CCDC40: variants seen among roughly 807,000 people sequenced by gnomAD.
CCDC40 encodes coiled-coil domain-containing protein 40.
Under a neutral mutation model 124.5 loss-of-function variants are expected in CCDC40, and 104 were observed. The ratio of observed to expected loss-of-function variants is 0.84; its 90% CI spans 0.71 to 0.98. CCDC40 has a LOEUF of 0.98. CCDC40 is among the 50% of genes least tolerant of loss of function. CCDC40 has a pLI of 0.00. For synonymous variants in CCDC40, 580 were observed against 602.9 expected (o/e 0.96, Z 0.56); for missense variants, 1,463 against 1,503.9 (o/e 0.97, Z 0.45).
At chr17:80,088,630 G>T (rs534150635) in intron 16 of CCDC40, among the ~76,000 whole-genome samples, 1 of 152,342 alleles carries the variant, frequency 6.6e-6, no homozygotes, top group Non-Finnish European at 1.5e-5. Flanking sequence ...AACACAGTGA[G>T]ACCCCATATC....
At chr17:80,067,829 A>T (rs1269210083) in intron 10 of CCDC40, 151 of 1,427,074 alleles carry the variant, frequency 1.1e-4, no homozygotes, top group Non-Finnish European at 1.3e-4. Context: ...GCATGTTGTC[A>T]CACTTCAGGA....
At position 80,087,984 on chromosome 17, in the gene CCDC40, A is replaced by G; in HGVS notation, c.2620-27A>G. On this transcript the variant is annotated intron_variant, in intron 15 of 19. Coordinates refer to ENST00000397545, the MANE Select transcript of CCDC40 (RefSeq NM_017950.4). The surrounding 1 kb of genome is among the most constrained non-coding windows in gnomAD (Gnocchi z 4.5). ...TCCACAATCCCATGGCCCTCCCCACAGCTGTCCCGCCCCCTCCCCCATGCA... is the reference window on the plus strand; with the variant it reads ...TCCACAATCCCATGGCCCTCCCCACGGCTGTCCCGCCCCCTCCCCCATGCA... The G allele has an allele frequency of 6.6e-7, 1 of 1,508,570 alleles. No individual in the cohort carries two copies. Among genetic ancestry groups the G allele is most frequent in the Non-Finnish European group, 9.2e-7 (1 of 1,084,192 alleles). 93.4% of individuals were successfully genotyped at this position (1,508,570 alleles called of 1,614,324 possible).
chr17:80,089,486 C>T, intron 16 of CCDC40: 1 of 445,382 alleles, frequency 2.2e-6, no homozygotes, highest in Non-Finnish European at 4.2e-6. Context: ...ACTTTCTCAG[C>T]TCCTACAGTT....
chr17:80,086,456 G>A lies in CCDC40; in HGVS notation c.2449+240G>A, dbSNP rs188924820. On this transcript the variant is annotated intron_variant, in intron 14 of 19. Coordinates refer to ENST00000397545, the MANE Select transcript of CCDC40 (RefSeq NM_017950.4). The surrounding 1 kb of genome is among the most constrained non-coding windows in gnomAD (Gnocchi z 5.5). Reference sequence around the variant, plus strand: ...TGTCACGAAATGGCTCCAAGCTCACGGACTTCAGAGCTCTCCTTGAGAGAG... The same window carrying A: ...TGTCACGAAATGGCTCCAAGCTCACAGACTTCAGAGCTCTCCTTGAGAGAG... 6.7e-5 allele frequency: 34 copies of A among 505,078 alleles called. No individual in the cohort carries two copies. Among genetic ancestry groups the A allele is most frequent in the African/African-American group, 6.0e-4 (31 of 51,776 alleles). 31.3% of individuals were successfully genotyped at this position (505,078 alleles called of 1,614,324 possible). A position where few individuals can be genotyped will look rare whatever the true frequency, so the allele number is the denominator to read the frequency against.
rs1048415457 is a variant in CCDC40, at chr17:80,087,447, G to T, written c.2450-160G>T. On this transcript the variant is annotated intron_variant, in intron 14 of 19. Coordinates refer to ENST00000397545, the MANE Select transcript of CCDC40 (RefSeq NM_017950.4). The surrounding 1 kb of genome is among the most constrained non-coding windows in gnomAD (Gnocchi z 4.5). ...CTCTCCTCTCCTCTGTCCTGGCAGG[G>T]ACGAGATTCAGGCAGGAGCGCCAGG... 8.6e-6 allele frequency: 6 copies of T among 695,842 alleles called. No individual in the cohort carries two copies. The highest frequency in any genetic ancestry group is 3.0e-5 in the South Asian group (2 of 65,894). The allele number at this position is 695,842 out of a possible 1,614,324, so 43.1% of individuals were successfully genotyped here.
Position 80,090,228 on chromosome 17 carries a change from C to T in CCDC40, c.2832+344C>T, listed in dbSNP as rs772386464. 61 of 873,764 alleles carry T rather than the reference C, an allele frequency of 7.0e-5. 8 individuals carry two copies. The highest frequency in any genetic ancestry group is 6.7e-4 in the South Asian group (31 of 46,168). 54.1% of individuals were successfully genotyped at this position (873,764 alleles called of 1,614,324 possible). ...GCACGTGCACGAAGAACACGGGACG[C>T]GCGCAGGCACGTGCACGAACAACAC... On this transcript the variant is annotated intron_variant, in intron 17 of 19. Coordinates refer to ENST00000397545, the MANE Select transcript of CCDC40 (RefSeq NM_017950.4).
In CCDC40 at chr17:80,047,296, G is replaced by A; in HGVS notation, c.570G>A (p.Glu190=). The part of the protein sequence containing the change: ...AVGRLTGSTE[E]PQGQVLPMGV... ...TGCCATAGACAGGATCCACAGAGGA[G>A]CCCCAGGGGCAGGTGCTCCCAATGG... is the stretch of plus-strand genomic sequence containing the variant. Residue 190 remains glutamate (E), a synonymous_variant, in exon 4 of 20, where the codon GAG becomes GAA. Transcript: ENST00000397545. 6.2e-7 allele frequency: 1 copy of A among 1,614,010 alleles called. No individual in the cohort carries two copies.
Position 80,058,485 on chromosome 17 carries a change from G to C in CCDC40, c.1160-9G>C. 6.2e-7 allele frequency: 1 copy of C among 1,613,408 alleles called. No individual in the cohort carries two copies. Among genetic ancestry groups the C allele is most frequent in the African/African-American group, 1.3e-5 (1 of 74,988 alleles). ...TCTCTCTCTCTTTCTCCCCCGCCGC[G>C]CCCCGCAGTGGCGGCTCTGCAGACT... is the stretch of plus-strand genomic sequence containing the variant. On this transcript the variant is annotated splice_polypyrimidine_tract_variant and intron_variant, in intron 7 of 19. Transcript: ENST00000397545. The surrounding 1 kb of genome is among the most constrained non-coding windows in gnomAD (Gnocchi z 4.2).
chr17:80,065,572 G>C lies in CCDC40; in HGVS notation c.1528G>C (p.Asp510His). 1 of 1,612,892 alleles carries C rather than the reference G, an allele frequency of 6.2e-7. No homozygotes were observed. The highest frequency in any genetic ancestry group is 2.2e-5 in the East Asian group (1 of 44,794). The change falls in exon 10 of 20, where the codon GAC becomes CAC. Residue 510 changes from aspartate to histidine, a missense_variant. Transcript: ENST00000397545. ...ASSLVGMKHR[D>H]EAHRAVLEAL... ...CAGCCTGGTGGGCATGAAGCACCGC[G>C]ACGAGGCGCACAGGGCGGTGCTGGA...
chr17:80,086,510 G>A lies in CCDC40; in HGVS notation c.2449+294G>A. 1 of 392,304 alleles carries A rather than the reference G, an allele frequency of 2.5e-6. No individual in the cohort carries two copies. The highest frequency in any genetic ancestry group is 4.8e-6 in the Non-Finnish European group (1 of 206,932). 24.3% of individuals were successfully genotyped at this position (392,304 alleles called of 1,614,324 possible). ...CATGGAAGGTTATCATCCCCGCCAA[G>A]CCAGGGCACTCAGGTGGAAACACTG... On this transcript the variant is annotated intron_variant, in intron 14 of 19. Coordinates refer to ENST00000397545, the MANE Select transcript of CCDC40 (RefSeq NM_017950.4). The surrounding 1 kb of genome is among the most constrained non-coding windows in gnomAD (Gnocchi z 5.5).
chr17:80,074,376 G>A (rs1211937739), intron 10 of CCDC40, among the ~76,000 whole-genome samples: 4 of 152,136 alleles, frequency 2.6e-5, no homozygotes, highest in African/African-American at 7.2e-5. Context: ...CAGGCATGGC[G>A]GCAGGTGCTG....
At chr17:80,063,350 C>T (rs2037952599) in intron 9 of CCDC40, among the ~76,000 whole-genome samples, 1 of 152,192 alleles carries the variant, frequency 6.6e-6, no homozygotes, top group African/African-American at 2.4e-5. Context: ...ATTCTATTTG[C>T]ATAGGCTGAA....
chr17:80,037,688 A>AG (rs1555889124), intron 1 of CCDC40, among the ~76,000 whole-genome samples: 1,313 of 45,656 alleles, frequency 0.029, 42 homozygotes, highest in African/African-American at 0.074. Context: ...TTTTTTAAAA[A>AG]AGATATACAT....
chr17:80,044,291 G>C (rs1046168456), intron 3 of CCDC40, among the ~76,000 whole-genome samples: 2 of 152,132 alleles, frequency 1.3e-5, no homozygotes, highest in African/African-American at 4.8e-5. Flanking sequence ...AGTCACTTTG[G>C]AGAACAGCAT....
intron 9 of CCDC40, among the ~76,000 whole-genome samples, chr17:80,063,040 C>A (rs1473863370): frequency 2.0e-5 from 3 of 152,038 alleles, no homozygotes; most frequent in Admixed American, 6.6e-5. Flanking sequence ...ACTAAAAATT[C>A]AAAAATTAGC....
At chr17:80,048,916 C>T (rs937510194) in intron 5 of CCDC40, among the ~76,000 whole-genome samples, 155 bp downstream of exon 5, 1 of 152,154 alleles carries the variant, frequency 6.6e-6, no homozygotes, top group African/African-American at 2.4e-5. Flanking sequence ...GATTGACCTG[C>T]CTCTTCGTAG....
At chr17:80,078,101 G>A (rs1413483282) in intron 10 of CCDC40, among the ~76,000 whole-genome samples, 1 of 152,100 alleles carries the variant, frequency 6.6e-6, no homozygotes, top group Non-Finnish European at 1.5e-5. Context: ...GGAGGCCAAG[G>A]TGGGCGGATC....
In CCDC40 at chr17:80,038,199, A is replaced by G. The variant is rs1438623376; in HGVS notation, c.93+13A>G. The G allele has an allele frequency of 2.6e-6, 4 of 1,540,192 alleles. No individual in the cohort carries two copies. Among genetic ancestry groups the G allele is most frequent in the Non-Finnish European group, 3.6e-6 (4 of 1,114,032 alleles). Reference sequence around the variant, plus strand: ...TGAAAGCCACATGGTAAAATTCCCTATGGGCAGTTATTCCGGGCTTATATT... The same window carrying G: ...TGAAAGCCACATGGTAAAATTCCCTGTGGGCAGTTATTCCGGGCTTATATT... On this transcript the variant is annotated intron_variant, in intron 2 of 19. Coordinates refer to ENST00000397545, the MANE Select transcript of CCDC40 (RefSeq NM_017950.4).
At chr17:80,089,582 A>C (rs1598545653) in intron 16 of CCDC40, 182 bp from the exon 17 acceptor site, 25 of 354,216 alleles carry the variant, frequency 7.1e-5, no homozygotes, top group South Asian at 1.6e-4. Context: ...AGAGGTTGGC[A>C]AACGTTTGCA....
Sources: allele counts gnomAD v4.1 joint callset (sites outside exome capture counted in the v4.1 genomes callset), GRCh38; gene constraint gnomAD v4.1.1; non-coding constraint Gnocchi (gnomAD v3.1); transcripts MANE v1.5; gene names NCBI Gene and HGNC (gene_info 2026-07-23, HGNC 2026-07-21).